The following SYT9 variants were observed in gnomAD, a reference collection of about 807,000 sequenced individuals.
SYT9 encodes synaptotagmin 9, also known as synaptotagmin-9.
In SYT9, 22 loss-of-function variants were observed where a neutral mutation model predicts 48.4. The observed-to-expected ratio is 0.45, with a 90% confidence interval of 0.32 to 0.65. SYT9 has a LOEUF of 0.65. Ranked by LOEUF, SYT9 falls within the 30% of genes least tolerant of loss-of-function variation. The pLI, the probability that SYT9 is intolerant of heterozygous loss-of-function variation, is 0.03. For missense variants in SYT9, 577 were observed against 622.0 expected (o/e 0.93, Z 0.77); for synonymous variants, 265 against 245.0 (o/e 1.08, Z -0.76).
At chr11:7,383,035 G>T (rs185281889) in intron 3 of SYT9, among the ~76,000 whole-genome samples, 2 of 152,138 alleles carry the variant, frequency 1.3e-5, no homozygotes, top group Non-Finnish European at 2.9e-5. Context: ...AGGATCCATC[G>T]CTTAAGAAGG....
At chr11:7,330,694 A>G (rs1408018265) in intron 3 of SYT9, among the ~76,000 whole-genome samples, 3 of 152,158 alleles carry the variant, frequency 2.0e-5, no homozygotes, top group Non-Finnish European at 4.4e-5. Context: ...TAGATAAACA[A>G]GGGGACAATA....
chr11:7,335,478 C>G lies in SYT9; in HGVS notation c.1044+21537C>G, dbSNP rs149297496. On this transcript the variant is annotated intron_variant, in intron 3 of 6. Transcript: ENST00000318881. ...CCTTTCCCTCCTCCCACCCTCCACC[C>G]CCAGAAGGTTCCAGTGTTTGCTGTT... 4.5e-4 allele frequency among the ~76,000 whole-genome samples: 69 copies of G among 152,220 alleles called. 1 individual carries two copies. In the East Asian group the frequency reaches 8.9e-3, roughly 20 times the overall value.
chr11:7,393,735 G>C (rs1395348236), intron 3 of SYT9, among the ~76,000 whole-genome samples: 3 of 151,902 alleles, frequency 2.0e-5, no homozygotes, highest in Non-Finnish European at 2.9e-5. Context: ...TTTTCTCACT[G>C]ATAGGTTTTT....
rs142413624 is a variant in SYT9 at position 7,240,728 on chromosome 11, G to A, written c.49+1812G>A. Among the ~76,000 whole-genome samples the A allele has an allele frequency of 4.9e-3, 753 of 152,232 alleles. 7 individuals carry two copies. Among genetic ancestry groups the A allele is most frequent in the African/African-American group, 0.017 (686 of 41,524 alleles). Reference sequence around the variant, plus strand: ...ATCTTAAAAATTAAGATGTACTTTTGTTTTAATCAATGGAGGTTAAAGTTA... The same window carrying A: ...ATCTTAAAAATTAAGATGTACTTTTATTTTAATCAATGGAGGTTAAAGTTA... On this transcript the variant is annotated intron_variant and NMD_transcript_variant, in intron 1 of 8. Coordinates refer to the SYT9 transcript ENST00000524820.
chr11:7,348,776 G>A, intron 3 of SYT9, among the ~76,000 whole-genome samples: 1 of 129,658 alleles, frequency 7.7e-6, no homozygotes, highest in East Asian at 2.7e-4. Context: ...TTTTTAAAAT[G>A]GGTTTTTCTT....
intron 3 of SYT9, among the ~76,000 whole-genome samples, chr11:7,406,473 T>C (rs1321858089): frequency 1.3e-5 from 2 of 151,466 alleles, no homozygotes; most frequent in African/African-American, 4.9e-5. Context: ...TCCATTTCCA[T>C]TCCTGTTGCT....
chr11:7,306,795 T>C (rs1849040465), intron 2 of SYT9, among the ~76,000 whole-genome samples: 1 of 152,210 alleles, frequency 6.6e-6, no homozygotes, highest in Non-Finnish European at 1.5e-5. Context: ...TTTTCATGCC[T>C]TCACAGGATT....
intron 3 of SYT9, among the ~76,000 whole-genome samples, chr11:7,338,781 G>A (rs1212872528): frequency 6.6e-6 from 1 of 151,996 alleles, no homozygotes; most frequent in Non-Finnish European, 1.5e-5. Context: ...TGCTCGATTT[G>A]AGTATGTGCC....
chr11:7,397,393 T>C (rs2134069385), intron 3 of SYT9, among the ~76,000 whole-genome samples: 2 of 152,300 alleles, frequency 1.3e-5, no homozygotes, highest in Middle Eastern at 3.4e-3. Context: ...TGTCTGTCCT[T>C]TTGCCAGTAC....
At chr11:7,320,215 G>A (rs1306103892) in intron 3 of SYT9, among the ~76,000 whole-genome samples, 1 of 152,112 alleles carries the variant, frequency 6.6e-6, no homozygotes, top group Admixed American at 6.5e-5. Context: ...TTAAGACCAA[G>A]TTTTTTAAAT....
intron 2 of SYT9, among the ~76,000 whole-genome samples, chr11:7,311,918 C>T (rs1849141353): frequency 6.6e-6 from 1 of 152,184 alleles, no homozygotes; most frequent in Non-Finnish European, 1.5e-5. Flanking sequence ...TGCTTAACAG[C>T]AACTCCTGCC....
chr11:7,413,761 CTT>C (rs61037405), intron 3 of SYT9, among the ~76,000 whole-genome samples: 1 of 145,536 alleles, frequency 6.9e-6, no homozygotes, highest in Admixed American at 6.8e-5. Flanking sequence ...TTGTTTGTTC[CTT>C]TTTTTTTTTT....
At chr11:7,320,909 G>A (rs751665277) in intron 3 of SYT9, among the ~76,000 whole-genome samples, 14 of 152,124 alleles carry the variant, frequency 9.2e-5, no homozygotes, top group East Asian at 7.7e-4. Flanking sequence ...TCAAAATTTC[G>A]GAGACTATGA....
At chr11:7,351,123 T>C (rs1849907086) in intron 3 of SYT9, among the ~76,000 whole-genome samples, 1 of 152,258 alleles carries the variant, frequency 6.6e-6, no homozygotes, top group South Asian at 2.1e-4. Flanking sequence ...AATGATTTTT[T>C]TAACCTCCTT....
intron 6 of SYT9, among the ~76,000 whole-genome samples, chr11:7,442,552 C>A (rs887707231): frequency 2.6e-5 from 4 of 152,306 alleles, no homozygotes; most frequent in Admixed American, 2.6e-4. Flanking sequence ...CCTTCACCCC[C>A]AGCACTGGGC....
intron 6 of SYT9, among the ~76,000 whole-genome samples, chr11:7,424,612 C>T (rs886095087): frequency 1.3e-5 from 2 of 152,086 alleles, no homozygotes; most frequent in Non-Finnish European, 2.9e-5. Flanking sequence ...GGTGGGAAGA[C>T]GAGACACAGA....
intron 1 of SYT9, among the ~76,000 whole-genome samples, chr11:7,297,083 TGTGAGA>T (rs1357619891): frequency 2.7e-5 from 2 of 75,034 alleles, no homozygotes; most frequent in African/African-American, 4.6e-5. Context: ...TGTGTGTGTG[TGTGAGA>T]GAGAGAGAGA....
chr11:7,374,816 AT>A (rs1259170289), intron 3 of SYT9, among the ~76,000 whole-genome samples: 1 of 152,178 alleles, frequency 6.6e-6, no homozygotes, highest in East Asian at 1.9e-4. Context: ...GATTCTGGAT[AT>A]TAGCCCTTTG....
At chr11:7,338,753 GTTT>G (rs1474751117) in intron 3 of SYT9, among the ~76,000 whole-genome samples, 2 of 152,072 alleles carry the variant, frequency 1.3e-5, no homozygotes, top group Admixed American at 1.3e-4. Flanking sequence ...GCTAAGGATT[GTTT>G]TATGTCTGAT....
Sources: allele counts gnomAD v4.1 joint callset (sites outside exome capture counted in the v4.1 genomes callset), GRCh38; gene constraint gnomAD v4.1.1; transcripts MANE v1.5; gene names NCBI Gene and HGNC (gene_info 2026-07-23, HGNC 2026-07-21).